MCM3AP: variants seen among roughly 807,000 people sequenced by gnomAD.
The protein encoded by MCM3AP is germinal-center associated nuclear protein.
MCM3AP carries 126 observed loss-of-function variants against 184.1 expected under a neutral mutation model. The ratio of observed to expected loss-of-function variants is 0.68; its 90% CI spans 0.59 to 0.79. MCM3AP has a LOEUF of 0.79. Ranked by LOEUF, MCM3AP falls within the 30% of genes least tolerant of loss-of-function variation. The probability of loss-of-function intolerance (pLI) is 0.00; values close to 1 mark genes in which losing one functional copy is unlikely to be tolerated. For missense variants in MCM3AP, 2,496 were observed against 2,479.2 expected, an observed-to-expected ratio of 1.01 and a Z score of -0.14; for synonymous variants, 1,002 against 979.3, an observed-to-expected ratio of 1.02 and a Z score of -0.43.
chr21:46,282,143 T>C (rs151253299), intron 2 of MCM3AP, among the ~76,000 whole-genome samples: 36 of 152,128 alleles, frequency 2.4e-4, no homozygotes, highest in African/African-American at 8.0e-4. Flanking sequence ...TCTATACAAA[T>C]GTAAAAATAC....
chr21:46,271,821 A>G (rs2081184195), intron 8 of MCM3AP, among the ~76,000 whole-genome samples: 1 of 152,046 alleles, frequency 6.6e-6, no homozygotes, highest in Non-Finnish European at 1.5e-5. Context: ...AGATCGCACT[A>G]CTGTACTCCG....
intron 14 of MCM3AP, 78 bp from the exon 15 acceptor site, chr21:46,260,984 C>A: frequency 8.5e-7 from 1 of 1,179,460 alleles, no homozygotes; most frequent in East Asian, 2.4e-5. Context: ...TCCCTGGCCA[C>A]GCAGACAGGG....
Position 46,240,801 on chromosome 21 carries a change from T to G in MCM3AP, c.5633+10A>C. ...TAAACACACATGAATTAGAAGGAAGTGGGCTTCACCTCTTGTTCTCTTCTT... is the reference window on the plus strand; with the variant it reads ...TAAACACACATGAATTAGAAGGAAGGGGGCTTCACCTCTTGTTCTCTTCTT... On this transcript the variant is annotated intron_variant, in intron 26 of 27. Transcript: ENST00000291688. 6.2e-7 allele frequency: 1 copy of G among 1,612,260 alleles called. No individual in the cohort carries two copies.
intron 4 of MCM3AP, among the ~76,000 whole-genome samples, chr21:46,278,097 GCT>G: frequency 6.6e-6 from 1 of 151,822 alleles, no homozygotes; most frequent in African/African-American, 2.4e-5. Context: ...GTTGCAGTGA[GCT>G]GAGATTATTA....
chr21:46,258,229 C>T (rs913962675), intron 16 of MCM3AP, among the ~76,000 whole-genome samples: 4 of 152,194 alleles, frequency 2.6e-5, no homozygotes, highest in African/African-American at 7.2e-5. Flanking sequence ...CACTTCTCCC[C>T]ATACTCCCTT....
chr21:46,277,243 C>T (rs1399608557), intron 5 of MCM3AP, among the ~76,000 whole-genome samples: 1 of 152,164 alleles, frequency 6.6e-6, no homozygotes, highest in Non-Finnish European at 1.5e-5. Context: ...ATAACCTCTG[C>T]CCCTCGGAAT....
intron 5 of MCM3AP, 115 bp from the exon 6 acceptor site, chr21:46,275,440 CAAAAG>C: frequency 1.1e-6 from 1 of 881,364 alleles, no homozygotes. Flanking sequence ...ACACACATTA[CAAAAG>C]AAAAGAAAAA....
In MCM3AP at chr21:46,240,878, A is replaced by G. The variant is rs146190047; in HGVS notation, c.5566T>C (p.Ser1856Pro). ...PSTEDLMRGA[S>P]AEELLAQCLS... The stretch of plus-strand genomic sequence containing the variant: ...CACTGCGCCAAGAGCTCCTCAGCAG[A>G]AGCTCCTCGCATCAGATCCTCTGTG... The change falls in exon 26 of 28, where the codon TCT becomes CCT. Residue 1856 changes from serine to proline, a missense_variant. Around this residue, in one of 5 missense-constraint regions of MCM3AP, gnomAD observed 1,323 missense variants for 1,273.4 expected, o/e 1.04. Coordinates refer to ENST00000291688, the MANE Select transcript of MCM3AP (RefSeq NM_003906.5). 3 of 1,614,118 alleles carry G rather than the reference A, an allele frequency of 1.9e-6. No homozygotes were observed. The highest frequency in any genetic ancestry group is 2.2e-5 in the South Asian group (2 of 91,092).
chr21:46,256,819 TG>T lies in MCM3AP; in HGVS notation c.3901del (p.His1301MetfsTer12). 1.3e-6 allele frequency: 2 copies of T among 1,560,856 alleles called. No homozygotes were observed. Among genetic ancestry groups the T allele is most frequent in the Non-Finnish European group, 1.7e-6 (2 of 1,152,378 alleles). On this transcript the variant is annotated frameshift_variant, in exon 17 of 28. Transcript: ENST00000291688. LOFTEE classifies it high-confidence loss of function. ...NLARGLLDLG[H>X]AGRLGISCTR... is the part of the protein sequence containing the mutation. ...GCAGGAGATGCCCAATCTCCCTGCA[TG>T]GCCCAGGTCCAGGAGGCCCCTGGCC...
intron 26 of MCM3AP, among the ~76,000 whole-genome samples, chr21:46,238,099 CAAAAAAAAAA>C: frequency 2.9e-5 from 1 of 33,950 alleles, no homozygotes; most frequent in South Asian, 8.5e-4. Flanking sequence ...AACTCCATCT[CAAAAAAAAAA>C]AAAAAAAAAT....
chr21:46,268,889 C>G (rs2081145403), intron 9 of MCM3AP, among the ~76,000 whole-genome samples: 1 of 152,110 alleles, frequency 6.6e-6, no homozygotes, highest in African/African-American at 2.4e-5. Context: ...ACTAAGTTAG[C>G]TGGGCGTGGT....
chr21:46,254,030 A>T (rs763769805), intron 19 of MCM3AP: 33 of 281,472 alleles, frequency 1.2e-4, no homozygotes, highest in Non-Finnish European at 2.7e-5. Flanking sequence ...GCCATGTAAG[A>T]CATGCCTCCC....
At position 46,266,939 on chromosome 21, in the gene MCM3AP, A is replaced by C. The variant is rs150158843; in HGVS notation, c.2789+43T>G. ...CAGCCCTTCATCAGAATTAACAAGA[A>C]AAAAGGAGACAGGGGCCCCACAGTT... On this transcript the variant is annotated intron_variant, in intron 10 of 27. Transcript: ENST00000291688. The C allele has an allele frequency of 1.4e-5, 23 of 1,606,708 alleles. No individual in the cohort carries two copies. In the African/African-American group the frequency reaches 2.9e-4, roughly 21 times the overall value.
intron 3 of MCM3AP, 105 bp from the exon 4 acceptor site, chr21:46,280,242 G>A (rs2081314930): frequency 2.1e-5 from 27 of 1,299,218 alleles, no homozygotes; most frequent in Non-Finnish European, 2.9e-5. Context: ...CATTGTCACA[G>A]GAGGTTAGAG....
At position 46,272,808 on chromosome 21, in the gene MCM3AP, AG is replaced by A; in HGVS notation, c.2217del (p.Cys740ValfsTer4). 1 of 1,602,326 alleles carries A rather than the reference AG, an allele frequency of 6.2e-7. No homozygotes were observed. The highest frequency in any genetic ancestry group is 8.5e-7 in the Non-Finnish European group (1 of 1,173,146). On this transcript the variant is annotated frameshift_variant, in exon 8 of 28. Coordinates refer to ENST00000291688, the MANE Select transcript of MCM3AP (RefSeq NM_003906.5). LOFTEE classifies it high-confidence loss of function. ...GIRKDITQQH[L>X]CDPLTVSLIE... ...ATCAGGGACACCGTCAGGGGGTCAC[AG>A]AGGTGCTGCTGCGTGATATCCTGGC...
rs754802790 is a variant in MCM3AP, at chr21:46,273,368, A to T, written c.2196+20T>A. The T allele has an allele frequency of 2.2e-5, 36 of 1,607,692 alleles. No individual in the cohort carries two copies. Among genetic ancestry groups the T allele is most frequent in the Non-Finnish European group, 4.3e-6 (5 of 1,174,770 alleles). On this transcript the variant is annotated intron_variant, in intron 7 of 27. Transcript: ENST00000291688. ...AATTTGCGTGGATTTTTTAGCATCC[A>T]GGTTGGAGGCAGCCAATACCTTCCG...
chr21:46,267,144 TGAGAG>T lies in MCM3AP; in HGVS notation c.2629-7_2629-3del, dbSNP rs1393998279. 2.5e-6 allele frequency: 4 copies of T among 1,612,912 alleles called. No homozygotes were observed. The highest frequency in any genetic ancestry group is 3.4e-6 in the Non-Finnish European group (4 of 1,179,580). On this transcript the variant is annotated splice_region_variant and splice_polypyrimidine_tract_variant and intron_variant, in intron 9 of 27. Transcript: ENST00000291688. ...CGCCCGGAGAGCATCCTTGCGGATC[TGAGAG>T]GAGGAGCGAAATCACTGCAGTCTCA...
intron 20 of MCM3AP, 66 bp downstream of exon 20, chr21:46,251,463 G>A: frequency 7.3e-7 from 1 of 1,374,740 alleles, no homozygotes; most frequent in Non-Finnish European, 1.0e-6. Context: ...CATGGTTCCA[G>A]TGATATCTGG....
chr21:46,240,471 C>A (rs1469947767), intron 26 of MCM3AP, among the ~76,000 whole-genome samples: 1 of 152,196 alleles, frequency 6.6e-6, no homozygotes, highest in Non-Finnish European at 1.5e-5. Context: ...ATGCCTCAGG[C>A]TCCCAAGGGC....
Sources: allele counts gnomAD v4.1 joint callset (sites outside exome capture counted in the v4.1 genomes callset), GRCh38; gene constraint gnomAD v4.1.1; regional missense constraint gnomAD v4.1.1; transcripts MANE v1.5; gene names NCBI Gene and HGNC (gene_info 2026-07-23, HGNC 2026-07-21).